Variants in NRG3 observed in about 807,000 individuals in gnomAD.
NRG3 encodes the protein pro-neuregulin-3, membrane-bound isoform.
A neutral mutation model predicts 66.9 loss-of-function variants in NRG3; 31 were observed. The ratio of observed to expected loss-of-function variants is 0.46; its 90% CI spans 0.35 to 0.63. The LOEUF is 0.63. Ranked by LOEUF, NRG3 falls within the 20% of genes least tolerant of loss-of-function variation. The probability of loss-of-function intolerance (pLI) is 0.00; values close to 1 mark genes in which losing one functional copy is unlikely to be tolerated. For missense variants in NRG3, 910 were observed against 878.9 expected, an observed-to-expected ratio of 1.04 and a Z score of -0.45; for synonymous variants, 393 against 359.4, an observed-to-expected ratio of 1.09 and a Z score of -1.06.
intron 2 of NRG3, among the ~76,000 whole-genome samples, chr10:82,500,898 T>C (rs1844115447): frequency 6.6e-6 from 1 of 152,134 alleles, no homozygotes; most frequent in Admixed American, 6.5e-5. Context: ...AAGGTCTAGA[T>C]GGTAGATGGT....
At chr10:82,154,773 C>A (rs1026660606) in intron 1 of NRG3, among the ~76,000 whole-genome samples, 3 of 151,546 alleles carry the variant, frequency 2.0e-5, no homozygotes, top group African/African-American at 7.3e-5. Context: ...TTCACTTCCT[C>A]AATTAAATTT....
intron 1 of NRG3, among the ~76,000 whole-genome samples, chr10:82,079,512 G>A (rs960922072): frequency 2.0e-5 from 3 of 151,940 alleles, no homozygotes; most frequent in Non-Finnish European, 1.5e-5. Context: ...TTGACATTAG[G>A]GTTCACTCTA....
chr10:82,635,809 T>C (rs753407462), intron 2 of NRG3, among the ~76,000 whole-genome samples: 51 of 151,826 alleles, frequency 3.4e-4, no homozygotes, highest in Non-Finnish European at 6.6e-4. Context: ...GTGTTCAGGA[T>C]GATTGTTGGT....
At chr10:82,175,456 A>G (rs2072957097) in intron 1 of NRG3, among the ~76,000 whole-genome samples, 1 of 152,046 alleles carries the variant, frequency 6.6e-6, no homozygotes, top group African/African-American at 2.4e-5. Flanking sequence ...TCCAGACTAT[A>G]CTTTCCTCTA....
At chr10:82,767,140 G>T (rs1336690852) in intron 3 of NRG3, among the ~76,000 whole-genome samples, 2 of 151,658 alleles carry the variant, frequency 1.3e-5, no homozygotes, top group East Asian at 1.9e-4. Flanking sequence ...TTCTTGGATT[G>T]TTGGTCCAGC....
At chr10:82,307,304 A>C (rs1295205017) in intron 1 of NRG3, among the ~76,000 whole-genome samples, 1 of 152,192 alleles carries the variant, frequency 6.6e-6, no homozygotes, top group African/African-American at 2.4e-5. Flanking sequence ...ATTATCTGTG[A>C]GAGATAAGTT....
intron 2 of NRG3, among the ~76,000 whole-genome samples, chr10:82,703,864 G>A (rs2056088525): frequency 6.6e-6 from 1 of 152,030 alleles, no homozygotes; most frequent in Non-Finnish European, 1.5e-5. Flanking sequence ...CCCAGAACTG[G>A]TTAATCAAAT....
At chr10:82,440,452 AC>A (rs1402327574) in intron 2 of NRG3, among the ~76,000 whole-genome samples, 1 of 93,300 alleles carries the variant, frequency 1.1e-5, no homozygotes, top group Non-Finnish European at 2.3e-5. Context: ...ATAGTTTTTT[AC>A]TTCTTTAATT....
chr10:82,141,933 T>C (rs1352933821), intron 1 of NRG3, among the ~76,000 whole-genome samples: 3 of 152,168 alleles, frequency 2.0e-5, no homozygotes, highest in Non-Finnish European at 4.4e-5. Context: ...TTCCAATTGC[T>C]GCTGCTTTAT....
intron 4 of NRG3, among the ~76,000 whole-genome samples, chr10:82,929,843 T>C (rs376068622): frequency 5.7e-5 from 8 of 140,526 alleles, no homozygotes; most frequent in Non-Finnish European, 9.0e-5. Flanking sequence ...GCCACTGCAC[T>C]CCAGCCTGGG....
intron 1 of NRG3, among the ~76,000 whole-genome samples, chr10:82,130,663 G>A (rs2132490010): frequency 6.6e-6 from 1 of 152,216 alleles, no homozygotes; most frequent in African/African-American, 2.4e-5. Flanking sequence ...CTACCACAAA[G>A]TACAAGGGTT....
chr10:81,924,584 G>C, intron 1 of NRG3, among the ~76,000 whole-genome samples: 1 of 152,208 alleles, frequency 6.6e-6, no homozygotes, highest in East Asian at 1.9e-4. Context: ...GAAATGTCCT[G>C]TTTCGACTGG....
chr10:81,999,627 A>G (rs184110369), intron 1 of NRG3, among the ~76,000 whole-genome samples: 12 of 152,258 alleles, frequency 7.9e-5, no homozygotes, highest in Admixed American at 7.2e-4. Context: ...AAGAAATGAG[A>G]TCTTCATTAC....
chr10:82,951,428 C>T (rs1248036296), intron 4 of NRG3, 41 bp from the exon 5 acceptor site: 1 of 1,472,090 alleles, frequency 6.8e-7, no homozygotes, highest in Non-Finnish European at 9.5e-7. Flanking sequence ...GCTGATGCAC[C>T]CCGCTAGCAT....
chr10:82,274,902 G>A (rs1216215746), intron 1 of NRG3, among the ~76,000 whole-genome samples: 1 of 151,854 alleles, frequency 6.6e-6, no homozygotes, highest in Admixed American at 6.6e-5. Flanking sequence ...CAACTAGAAA[G>A]GGTGGGAGCT....
At chr10:82,076,958 C>T (rs1476284272) in intron 1 of NRG3, among the ~76,000 whole-genome samples, 1 of 152,170 alleles carries the variant, frequency 6.6e-6, no homozygotes, top group Non-Finnish European at 1.5e-5. Flanking sequence ...TGTAAAAAGG[C>T]ATGTTGATAC....
At chr10:82,061,282 C>T (rs1434948360) in intron 1 of NRG3, among the ~76,000 whole-genome samples, 7 of 152,084 alleles carry the variant, frequency 4.6e-5, no homozygotes, top group East Asian at 3.9e-4. Flanking sequence ...GCTCAGGAGG[C>T]GGAGGTTGCG....
intron 3 of NRG3, among the ~76,000 whole-genome samples, chr10:82,800,053 G>A (rs2060972025): frequency 1.3e-5 from 2 of 152,074 alleles, no homozygotes; most frequent in Admixed American, 1.3e-4. Flanking sequence ...CTTTCTTAAG[G>A]TTCCTGCCTT....
At chr10:82,926,638 C>T (rs1847024694) in intron 4 of NRG3, among the ~76,000 whole-genome samples, 1 of 152,188 alleles carries the variant, frequency 6.6e-6, no homozygotes, top group Admixed American at 6.5e-5. Flanking sequence ...CTTCCCATTT[C>T]ATTCTCTGTG....
Sources: allele counts gnomAD v4.1 joint callset (sites outside exome capture counted in the v4.1 genomes callset), GRCh38; gene constraint gnomAD v4.1.1; transcripts MANE v1.5; gene names NCBI Gene and HGNC (gene_info 2026-07-23, HGNC 2026-07-21).